The following DAAM2 variants were observed in gnomAD, a reference collection of about 807,000 sequenced individuals.
DAAM2 encodes the protein dishevelled associated activator of morphogenesis 2.
In DAAM2, 39 loss-of-function variants were observed where a neutral mutation model predicts 120.7. The observed-to-expected ratio is 0.32, with a 90% confidence interval of 0.25 to 0.42. The LOEUF is 0.42. DAAM2 is among the 10% of genes least tolerant of loss of function. The pLI, the probability that DAAM2 is intolerant of heterozygous loss-of-function variation, is 1.00. For missense variants in DAAM2, 1,283 were observed against 1,401.7 expected (o/e 0.92, Z 1.35); for synonymous variants, 488 against 524.9 (o/e 0.93, Z 0.96).
chr6:39,819,623 CCT>C (rs1182588189), intron 1 of DAAM2: 6 of 152,206 alleles, frequency 3.9e-5, no homozygotes, highest in Non-Finnish European at 8.8e-5. Flanking sequence ...TGTGATGCTA[CCT>C]CTAACAATAG....
intron 2 of DAAM2, among the ~76,000 whole-genome samples, chr6:39,857,102 G>A (rs75792429): frequency 0.012 from 1,862 of 152,318 alleles, 34 homozygotes; most frequent in African/African-American, 0.04. Context: ...GACTGCCCTT[G>A]TGAGAAGCCC....
Position 39,904,483 on chromosome 6 carries a change from TA to T in DAAM2, c.*2447del. ...CCCTCCCCACTGCTCCTGCCACCTT[TA>T]GATAAGTTTCTCTAGCTAATTTTGT... On this transcript the variant is annotated 3_prime_UTR_variant, in exon 25 of 25. Coordinates refer to ENST00000274867, the MANE Select transcript of DAAM2 (RefSeq NM_001201427.2). The T allele has an allele frequency of 2.2e-6, 1 of 454,484 alleles. No homozygotes were observed. Among genetic ancestry groups the T allele is most frequent in the South Asian group, 1.6e-5 (1 of 64,482 alleles). 28.2% of individuals were successfully genotyped at this position (454,484 alleles called of 1,614,324 possible). A position where few individuals can be genotyped will look rare whatever the true frequency, so the allele number is the denominator to read the frequency against.
chr6:39,847,360 G>C (rs1295256473), intron 1 of DAAM2, among the ~76,000 whole-genome samples: 1 of 152,102 alleles, frequency 6.6e-6, no homozygotes, highest in Admixed American at 6.5e-5. Context: ...AAAGCTGGAG[G>C]CTCCTTTCCC....
chr6:39,878,891 C>T lies in DAAM2; in HGVS notation c.1546-287C>T, dbSNP rs1048720999. On this transcript the variant is annotated intron_variant, in intron 13 of 24. Transcript: ENST00000274867. This position sits in a 1 kb window ranked among gnomAD's most constrained non-coding sequence, Gnocchi z 5.0. ...GATCTTGTGCAGTCAGTAACCTACA[C>T]AACTGCATAGATCAGTCCTGCTGTT... is the stretch of plus-strand genomic sequence containing the variant. Among the ~76,000 whole-genome samples the T allele has an allele frequency of 6.6e-6, 1 of 152,148 alleles. No homozygotes were observed. The highest frequency in any genetic ancestry group is 1.9e-4 in the East Asian group (1 of 5,200).
At position 39,873,294 on chromosome 6, in the gene DAAM2, G is replaced by A; in HGVS notation, c.1101G>A (p.Leu367=). ...SQMFELIHKK[L]KYTEAYPCLL... The stretch of plus-strand genomic sequence containing the variant: ...TGTTTGAGTTGATCCACAAGAAGCT[G>A]AAGTACACGGAGGCCTACCCCTGCC... Residue 367 remains leucine, a synonymous_variant, in exon 10 of 25, where the codon CTG becomes CTA. Coordinates refer to ENST00000274867, the MANE Select transcript of DAAM2 (RefSeq NM_001201427.2). 6.2e-7 allele frequency: 1 copy of A among 1,613,690 alleles called. No homozygotes were observed. The highest frequency in any genetic ancestry group is 8.5e-7 in the Non-Finnish European group (1 of 1,179,820).
intron 1 of DAAM2, among the ~76,000 whole-genome samples, chr6:39,833,754 T>G (rs964546760): frequency 6.6e-6 from 1 of 152,112 alleles, no homozygotes; most frequent in Admixed American, 6.5e-5. Context: ...GCTCTGATAT[T>G]AGAAGTGTAC....
chr6:39,899,611 C>G (rs530075693), intron 22 of DAAM2: 1 of 159,036 alleles, frequency 6.3e-6, no homozygotes, highest in Admixed American at 5.9e-5. Flanking sequence ...GTTGCCACTA[C>G]GGTGGGGGAA....
In DAAM2 at chr6:39,875,385, G is replaced by A. The variant is rs781620227; in HGVS notation, c.1218G>A (p.Gln406=). 5.0e-6 allele frequency: 8 copies of A among 1,613,988 alleles called. No individual in the cohort carries two copies. The highest frequency in any genetic ancestry group is 6.8e-6 in the Non-Finnish European group (8 of 1,179,878). ...QQWQLLDRIL[Q]QIVLQDERGV... is the part of the protein sequence containing the mutation. Reference sequence around the variant, plus strand: ...GGCAGCTCCTGGACCGCATCCTCCAGCAGATTGTCCTCCAGGATGAGCGGG... The same window carrying A: ...GGCAGCTCCTGGACCGCATCCTCCAACAGATTGTCCTCCAGGATGAGCGGG... Residue 406 remains glutamine, a synonymous_variant, in exon 11 of 25, where the codon CAG becomes CAA. Coordinates refer to ENST00000274867, the MANE Select transcript of DAAM2 (RefSeq NM_001201427.2).
intron 1 of DAAM2, among the ~76,000 whole-genome samples, chr6:39,836,998 A>G (rs1763126061): frequency 6.6e-6 from 1 of 152,286 alleles, no homozygotes; most frequent in East Asian, 1.9e-4. Flanking sequence ...GAACTTTTAC[A>G]AAATATTAAT....
chr6:39,807,853 A>C (rs1228789456), intron 1 of DAAM2, among the ~76,000 whole-genome samples: 10 of 152,172 alleles, frequency 6.6e-5, no homozygotes, highest in Non-Finnish European at 4.4e-5. Flanking sequence ...GATATCTAAA[A>C]TATTTTTTGG....
intron 1 of DAAM2, among the ~76,000 whole-genome samples, chr6:39,827,345 G>A (rs78766403): frequency 0.037 from 5,663 of 152,220 alleles, 269 homozygotes; most frequent in African/African-American, 0.11. Context: ...TATGAGGGGC[G>A]TCCTGCAGAT....
At chr6:39,868,153 A>T in intron 6 of DAAM2, 6 of 374,024 alleles carry the variant, frequency 1.6e-5, no homozygotes, top group South Asian at 6.9e-5. Flanking sequence ...CTCCAACCTC[A>T]ACACCTGGCT....
chr6:39,819,692 C>T (rs1333549448), intron 1 of DAAM2: 1 of 152,214 alleles, frequency 6.6e-6, no homozygotes, highest in African/African-American at 2.4e-5. Context: ...GATTGGGTGA[C>T]TTACACAGCA....
At chr6:39,863,642 A>C (rs1188725283) in intron 3 of DAAM2, among the ~76,000 whole-genome samples, 1 of 152,200 alleles carries the variant, frequency 6.6e-6, no homozygotes, top group Non-Finnish European at 1.5e-5. Context: ...TGTGAGGCCC[A>C]GAAGCAGATC....
chr6:39,837,086 T>A (rs1763129760), intron 1 of DAAM2, among the ~76,000 whole-genome samples: 2 of 152,204 alleles, frequency 1.3e-5, no homozygotes, highest in Non-Finnish European at 2.9e-5. Flanking sequence ...GATGTGCATG[T>A]AGGTAGAGAA....
chr6:39,796,603 T>G (rs954305445), intron 1 of DAAM2, among the ~76,000 whole-genome samples: 2 of 139,964 alleles, frequency 1.4e-5, no homozygotes, highest in African/African-American at 5.4e-5. Context: ...ATGGGTTTCT[T>G]TCTGGGGTCC....
At chr6:39,810,063 C>G (rs1220386694) in intron 1 of DAAM2, among the ~76,000 whole-genome samples, 1 of 152,178 alleles carries the variant, frequency 6.6e-6, no homozygotes, top group Non-Finnish European at 1.5e-5. Context: ...AAGAAAATGA[C>G]AATGCATAAA....
intron 11 of DAAM2, among the ~76,000 whole-genome samples, chr6:39,877,901 C>CATTA (rs1310858400): frequency 6.6e-6 from 1 of 152,180 alleles, no homozygotes; most frequent in Non-Finnish European, 1.5e-5. Context: ...CTAGTTCTAC[C>CATTA]ATTAATTAGC....
intron 1 of DAAM2, among the ~76,000 whole-genome samples, chr6:39,825,449 G>A (rs1489174632): frequency 8.9e-6 from 1 of 112,396 alleles, no homozygotes; most frequent in Non-Finnish European, 1.7e-5. Context: ...GGGGGTTGGT[G>A]GGGGGCCTTT....
Sources: allele counts gnomAD v4.1 joint callset (sites outside exome capture counted in the v4.1 genomes callset), GRCh38; gene constraint gnomAD v4.1.1; non-coding constraint Gnocchi (gnomAD v3.1); transcripts MANE v1.5; gene names NCBI Gene and HGNC (gene_info 2026-07-23, HGNC 2026-07-21).